Variants in PRMT9 observed in about 807,000 individuals in gnomAD.
PRMT9 encodes protein arginine methyltransferase 9, also known as protein arginine N-methyltransferase 9.
A neutral mutation model predicts 83.2 loss-of-function variants in PRMT9; 59 were observed. The ratio of observed to expected loss-of-function variants is 0.71; its 90% confidence interval spans 0.57 to 0.88. The LOEUF is 0.88. Ranked by LOEUF, PRMT9 falls within the 40% of genes least tolerant of loss-of-function variation. The pLI is 0.00. For synonymous variants in PRMT9, 333 were observed against 353.2 expected (o/e 0.94, Z 0.64); for missense variants, 947 against 1,021.9 (o/e 0.93, Z 1.00).
At chr4:147,674,706 AAT>A (rs1278253824) in intron 2 of PRMT9, among the ~76,000 whole-genome samples, 2 of 152,214 alleles carry the variant, frequency 1.3e-5, no homozygotes, top group Non-Finnish European at 2.9e-5. Flanking sequence ...GAGCTCACGT[AAT>A]ATCAGATTTC....
intron 2 of PRMT9, among the ~76,000 whole-genome samples, chr4:147,674,812 T>C (rs528599167): frequency 1.3e-5 from 2 of 152,304 alleles, no homozygotes; most frequent in South Asian, 2.1e-4. Flanking sequence ...GCTACACCCA[T>C]TTCCAAACAC....
intron 9 of PRMT9, among the ~76,000 whole-genome samples, chr4:147,645,448 C>T (rs1733668215): frequency 6.6e-6 from 1 of 152,020 alleles, no homozygotes; most frequent in African/African-American, 2.4e-5. Flanking sequence ...TTAATATGCA[C>T]TATATATTAT....
intron 9 of PRMT9, among the ~76,000 whole-genome samples, chr4:147,651,280 C>T (rs578007934): frequency 5.3e-5 from 8 of 152,196 alleles, no homozygotes; most frequent in Admixed American, 5.2e-4. Flanking sequence ...TATAGAACTT[C>T]TGAAAGACAA....
chr4:147,654,514 G>T lies in PRMT9; in HGVS notation c.1383C>A (p.Asp461Glu). The change falls in exon 9 of 12, where the codon GAC becomes GAA. Residue 461 changes from aspartate (D) to glutamate (E), a missense_variant. Asp to Glu is a conservative substitution (Grantham distance 45). Transcript: ENST00000322396. ...DHVMMEVSCQ[D>E]CYLRIQSISV... ...TAATACTCTGGATTCTTAAGTAACA[G>T]TCTTGACAAGATACTTCCATCATCA... 6.2e-7 allele frequency: 1 copy of T among 1,613,756 alleles called. No individual in the cohort carries two copies. The highest frequency in any genetic ancestry group is 8.5e-7 in the Non-Finnish European group (1 of 1,179,900).
At chr4:147,674,225 G>T (rs1735926857) in intron 2 of PRMT9, among the ~76,000 whole-genome samples, 1 of 152,146 alleles carries the variant, frequency 6.6e-6, no homozygotes, top group Non-Finnish European at 1.5e-5. Flanking sequence ...TCCTCTTTGT[G>T]GGGGCCGGCA....
At chr4:147,651,798 A>G (rs1734115040) in intron 9 of PRMT9, among the ~76,000 whole-genome samples, 1 of 152,182 alleles carries the variant, frequency 6.6e-6, no homozygotes, top group Non-Finnish European at 1.5e-5. Flanking sequence ...CAGAAAGTAG[A>G]TTGCTGGATG....
chr4:147,659,257 C>T (rs998073900), intron 7 of PRMT9, among the ~76,000 whole-genome samples: 5 of 151,114 alleles, frequency 3.3e-5, no homozygotes, highest in Admixed American at 6.6e-5. Flanking sequence ...AAAAATTAGC[C>T]GCTCATGGTG....
At chr4:147,665,485 G>A (rs1735266625) in intron 6 of PRMT9, among the ~76,000 whole-genome samples, 1 of 152,106 alleles carries the variant, frequency 6.6e-6, no homozygotes, top group Non-Finnish European at 1.5e-5. Context: ...TTGGCCAGTG[G>A]GAGAGTCTTC....
At chr4:147,655,514 T>C (rs1478810688) in intron 8 of PRMT9, among the ~76,000 whole-genome samples, 1 of 152,134 alleles carries the variant, frequency 6.6e-6, no homozygotes, top group Non-Finnish European at 1.5e-5. Context: ...TTCCTTCTCA[T>C]TAACCCTGGA....
rs201067391 is a variant in PRMT9, at chr4:147,654,148, G to A, written c.1749C>T (p.Tyr583=). Residue 583 remains tyrosine (Y), a synonymous_variant, in exon 9 of 12, where the codon TAC becomes TAT. Transcript: ENST00000322396. ...NTVQNILEPF[Y]VLDVSEGFSV... is the part of the protein sequence containing the mutation. ...AGAAGCCTTCGGACACATCTAACAC[G>A]TAGAAAGGTTCAAGGATGTTCTGTA... is the stretch of plus-strand genomic sequence containing the variant. The A allele has an allele frequency of 5.0e-5, 80 of 1,614,186 alleles. No individual in the cohort carries two copies. In the South Asian group the frequency reaches 6.8e-4, roughly 14 times the overall value.
At chr4:147,653,825 G>T in intron 9 of PRMT9, 27 bp downstream of exon 9, 1 of 1,540,292 alleles carries the variant, frequency 6.5e-7, no homozygotes. Flanking sequence ...AAAAAACAAA[G>T]CCAAAAGTTA....
intron 9 of PRMT9, among the ~76,000 whole-genome samples, chr4:147,650,877 C>T (rs373603563): frequency 1.3e-5 from 2 of 152,284 alleles, no homozygotes; most frequent in South Asian, 4.1e-4. Context: ...CCAAGGCGGG[C>T]AGATCACAAG....
intron 2 of PRMT9, among the ~76,000 whole-genome samples, chr4:147,679,010 C>T (rs775541271): frequency 3.9e-5 from 6 of 152,154 alleles, no homozygotes; most frequent in Non-Finnish European, 8.8e-5. Flanking sequence ...GGAGTGGTTC[C>T]AAGACTCCCA....
At chr4:147,639,963 C>T (rs1288869848) in intron 10 of PRMT9, among the ~76,000 whole-genome samples, 1 of 151,368 alleles carries the variant, frequency 6.6e-6, no homozygotes, top group Non-Finnish European at 1.5e-5. Context: ...ATTCTCATGT[C>T]ACCTCTTATC....
chr4:147,645,225 T>C (rs1473263589), intron 9 of PRMT9, among the ~76,000 whole-genome samples: 1 of 152,204 alleles, frequency 6.6e-6, no homozygotes, highest in African/African-American at 2.4e-5. Flanking sequence ...AAAACTACTT[T>C]GGCACTACTG....
intron 10 of PRMT9, among the ~76,000 whole-genome samples, chr4:147,640,861 A>AG (rs1316231129): frequency 6.6e-6 from 1 of 152,076 alleles, no homozygotes; most frequent in Non-Finnish European, 1.5e-5. Flanking sequence ...AGCTGGGACT[A>AG]GAGGGGCACA....
At position 147,683,942 on chromosome 4, in the gene PRMT9, C is replaced by G. The variant is rs201765298; in HGVS notation, c.46G>C (p.Ala16Pro). Residue 16 changes from alanine (A) to proline (P), a missense_variant, in exon 1 of 12, where the codon GCT (alanine) becomes CCT (proline). Ala to Pro is a conservative substitution (Grantham distance 27). Coordinates refer to ENST00000322396, the MANE Select transcript of PRMT9 (RefSeq NM_138364.4). ...AGCTCGTCCCGGCCGGCTGCCCCAG[C>G]GCCACCCCCGGCGTCTCGGCGGGAC... Reference protein sequence around the residue: ...PRSRRDAGGGAGAAGRDELVS... With the variant: ...PRSRRDAGGGPGAAGRDELVS... 1.1e-5 allele frequency: 17 copies of G among 1,612,914 alleles called. No individual in the cohort carries two copies. The East Asian group carries it at 3.6e-4, about 34-fold the overall frequency.
chr4:147,638,791 T>C, intron 11 of PRMT9, 44 bp from the exon 12 acceptor site: 1 of 1,439,206 alleles, frequency 6.9e-7, no homozygotes, highest in Non-Finnish European at 9.7e-7. Context: ...GTGCATAGAG[T>C]AGACTTAGAT....
chr4:147,668,771 A>T (rs995361023), intron 5 of PRMT9, 126 bp from the exon 6 acceptor site: 1 of 689,302 alleles, frequency 1.5e-6, no homozygotes, highest in Non-Finnish European at 2.5e-6. Context: ...AAGTAAGTTA[A>T]AGGTTTTTTT....
Sources: allele counts gnomAD v4.1 joint callset (sites outside exome capture counted in the v4.1 genomes callset), GRCh38; gene constraint gnomAD v4.1.1; transcripts MANE v1.5; gene names NCBI Gene and HGNC (gene_info 2026-07-23, HGNC 2026-07-21).